The following CEP128 variants were observed in gnomAD, a reference collection of about 807,000 sequenced individuals.
CEP128 encodes the protein centrosomal protein 128kDa.
In CEP128, 132 loss-of-function variants were observed where a neutral mutation model predicts 156.7. That is an observed-to-expected ratio of 0.84 (90% CI 0.73 to 0.97). The LOEUF is 0.97. CEP128 is among the 50% of genes least tolerant of loss of function. The probability of loss-of-function intolerance (pLI) is 0.00; values close to 1 mark genes in which losing one functional copy is unlikely to be tolerated. For missense variants in CEP128, 1,252 were observed against 1,281.9 expected (o/e 0.98, Z 0.36); for synonymous variants, 469 against 448.9 (o/e 1.04, Z -0.57).
intron 19 of CEP128, among the ~76,000 whole-genome samples, chr14:80,722,522 A>G (rs2060594): frequency 0.065 from 9,896 of 151,508 alleles, 1,065 homozygotes; most frequent in African/African-American, 0.23. Context: ...ACGCACACAT[A>G]TAAGTATATA....
At chr14:80,830,277 T>C in intron 13 of CEP128, 1 of 613,368 alleles carries the variant, frequency 1.6e-6, no homozygotes, top group Non-Finnish European at 2.9e-6. Flanking sequence ...CATTTTCTAT[T>C]GATGTGCTGA....
At chr14:80,807,646 G>C (rs1015200658) in intron 13 of CEP128, among the ~76,000 whole-genome samples, 1 of 152,160 alleles carries the variant, frequency 6.6e-6, no homozygotes, top group Non-Finnish European at 1.5e-5. Context: ...AAACACTGGA[G>C]AGCTCCTTTA....
At chr14:80,653,615 A>C (rs762751680) in intron 19 of CEP128, among the ~76,000 whole-genome samples, 6 of 152,176 alleles carry the variant, frequency 3.9e-5, no homozygotes, top group Non-Finnish European at 5.9e-5. Flanking sequence ...AGGACAGGCT[A>C]TCTTGAGAGG....
intron 19 of CEP128, among the ~76,000 whole-genome samples, chr14:80,596,854 G>T (rs113983870): frequency 0.15 from 17,397 of 119,360 alleles, 1,542 homozygotes; most frequent in Non-Finnish European, 0.17. Flanking sequence ...GTGGGGGGGG[G>T]AGGAAAAGAA....
chr14:80,729,127 G>GTGTGTGTGTGTGTGTGTT, intron 19 of CEP128, among the ~76,000 whole-genome samples: 1 of 115,116 alleles, frequency 8.7e-6, no homozygotes, highest in Admixed American at 9.4e-5. Context: ...GTGTGTGTGT[G>GTGTGTGTGTGTGTGTGTT]TTTACCCAGT....
intron 8 of CEP128, among the ~76,000 whole-genome samples, chr14:80,865,627 C>T (rs1242685971): frequency 3.3e-5 from 5 of 152,106 alleles, no homozygotes. Flanking sequence ...ATAAAGAGGA[C>T]ACTGCAGAAG....
At chr14:80,515,199 C>T (rs1888432972) in intron 23 of CEP128, among the ~76,000 whole-genome samples, 2 of 152,180 alleles carry the variant, frequency 1.3e-5, no homozygotes. Flanking sequence ...TGCCTGGCTG[C>T]TGGTCATGTT....
At chr14:80,588,808 A>T (rs939507430) in intron 19 of CEP128, among the ~76,000 whole-genome samples, 10 of 152,058 alleles carry the variant, frequency 6.6e-5, no homozygotes, top group Non-Finnish European at 2.9e-5. Context: ...GTGAGCTTTT[A>T]AAAAAAGCAT....
intron 19 of CEP128, among the ~76,000 whole-genome samples, chr14:80,581,147 A>G (rs1305599780): frequency 6.6e-6 from 1 of 152,144 alleles, no homozygotes; most frequent in Non-Finnish European, 1.5e-5. Flanking sequence ...TTAAGAAAAC[A>G]TATTTTCTGC....
chr14:80,859,117 AT>A (rs1887372595), intron 9 of CEP128, among the ~76,000 whole-genome samples: 1 of 150,072 alleles, frequency 6.7e-6, no homozygotes, highest in African/African-American at 2.4e-5. Flanking sequence ...TTGCGGCATT[AT>A]TCACAATAGC....
At chr14:80,907,132 G>A (rs976401900) in intron 4 of CEP128, among the ~76,000 whole-genome samples, 11 of 152,296 alleles carry the variant, frequency 7.2e-5, no homozygotes, top group Admixed American at 3.9e-4. Context: ...AGATGAAACA[G>A]AATGTGAGTC....
rs1316364077 is a variant in CEP128 at position 80,956,812 on chromosome 14, G to A, written c.-172+1366C>T. Among the ~76,000 whole-genome samples the A allele has an allele frequency of 4.6e-5, 7 of 152,118 alleles. No individual in the cohort carries two copies. The East Asian group carries it at 9.6e-4, about 21-fold the overall frequency. ...CAGTAGATGAATATTTGAGCACAGA[G>A]ATATATTTCTGTGCTCAGAGATATC... On this transcript the variant is annotated intron_variant, in intron 2 of 7. Coordinates refer to the CEP128 transcript ENST00000555529.
At chr14:80,552,028 T>C (rs1266078535) in intron 21 of CEP128, among the ~76,000 whole-genome samples, 1 of 152,120 alleles carries the variant, frequency 6.6e-6, no homozygotes, top group Admixed American at 6.6e-5. Context: ...TTTGTTGTTG[T>C]TGTTGTTGTT....
chr14:80,753,019 A>T (rs1245604185), intron 18 of CEP128, among the ~76,000 whole-genome samples: 1 of 152,194 alleles, frequency 6.6e-6, no homozygotes, highest in Admixed American at 6.5e-5. Flanking sequence ...CTAATCTCCA[A>T]GTTTATAGCT....
intron 15 of CEP128, 30 bp from the exon 16 acceptor site, chr14:80,778,076 G>C: frequency 6.2e-7 from 1 of 1,603,206 alleles, no homozygotes; most frequent in Non-Finnish European, 8.5e-7. Flanking sequence ...AAAACAGAAA[G>C]TCCACTAGCC....
chr14:80,693,296 G>T (rs1439419836), intron 19 of CEP128, among the ~76,000 whole-genome samples: 2 of 151,994 alleles, frequency 1.3e-5, no homozygotes, highest in Non-Finnish European at 2.9e-5. Flanking sequence ...TCAATTTATG[G>T]CCATAATTTC....
intron 16 of CEP128, among the ~76,000 whole-genome samples, chr14:80,761,850 T>C (rs375938264): frequency 6.6e-6 from 1 of 152,078 alleles, no homozygotes; most frequent in African/African-American, 2.4e-5. Flanking sequence ...AACAAAATTA[T>C]AATAAGTCCC....
chr14:80,678,976 C>T (rs978035329), intron 19 of CEP128, among the ~76,000 whole-genome samples: 2 of 152,288 alleles, frequency 1.3e-5, no homozygotes, highest in African/African-American at 2.4e-5. Flanking sequence ...CCTGTCTTTA[C>T]TGCCATCTCT....
chr14:80,652,585 A>G (rs1341731762), intron 19 of CEP128, among the ~76,000 whole-genome samples: 1 of 152,210 alleles, frequency 6.6e-6, no homozygotes, highest in Non-Finnish European at 1.5e-5. Flanking sequence ...CAAACATGAA[A>G]AAAAGCTAAT....
Sources: gnomAD v4.1 joint callset for allele counts (sites outside exome capture counted in the v4.1 genomes callset) on GRCh38, gnomAD v4.1.1 for gene constraint, MANE v1.5 for transcripts, NCBI Gene and HGNC (gene_info 2026-07-23, HGNC 2026-07-21) for gene names.